GLIS3: variants seen among roughly 807,000 people sequenced by gnomAD.
GLIS3 encodes the protein GLIS family zinc finger 3, also known as zinc finger protein GLIS3.
GLIS3 carries 53 observed loss-of-function variants against 78.6 expected under a neutral mutation model. The ratio of observed to expected loss-of-function variants is 0.67; its 90% CI spans 0.54 to 0.85. The LOEUF (loss-of-function observed/expected upper bound fraction) is 0.85. GLIS3 is among the 40% of genes least tolerant of loss of function. GLIS3 has a pLI of 0.00. For missense variants in GLIS3, 1,703 were observed against 1,231.1 expected (o/e 1.38, Z -5.74); for synonymous variants, 684 against 509.9 (o/e 1.34, Z -4.60).
chr9:3,866,447 C>T (rs1012151950), intron 8 of GLIS3, among the ~76,000 whole-genome samples: 8 of 151,142 alleles, frequency 5.3e-5, no homozygotes, highest in East Asian at 1.9e-4. Context: ...GGCAACAGAG[C>T]GAGACTGTCT....
the GLIS3 span, among the ~76,000 whole-genome samples, chr9:4,488,478 T>C: frequency 6.6e-6 from 1 of 151,912 alleles, no homozygotes; most frequent in African/African-American, 2.4e-5. Context: ...TTTCCAGCTG[T>C]TTTTTTACTG....
the GLIS3 span, among the ~76,000 whole-genome samples, chr9:4,371,638 A>T: frequency 2.0e-5 from 3 of 151,972 alleles, no homozygotes; most frequent in African/African-American, 7.3e-5. Flanking sequence ...GACTACCACT[A>T]CAACCTTTCA....
chr9:4,111,161 C>T (rs1476273345), intron 4 of GLIS3, among the ~76,000 whole-genome samples: 3 of 152,094 alleles, frequency 2.0e-5, no homozygotes, highest in Admixed American at 2.0e-4. Flanking sequence ...AAAAGATGTA[C>T]ATAATTCTTT....
the GLIS3 span, among the ~76,000 whole-genome samples, chr9:4,379,206 T>C: frequency 6.6e-6 from 1 of 152,112 alleles, no homozygotes; most frequent in Admixed American, 6.6e-5. Flanking sequence ...CTGTCACCAC[T>C]GCACTCTCTC....
intron 2 of GLIS3, among the ~76,000 whole-genome samples, chr9:4,318,873 A>C (rs1238979959): frequency 6.6e-6 from 1 of 152,132 alleles, no homozygotes; most frequent in Non-Finnish European, 1.5e-5. Context: ...CAAAGGGGGG[A>C]AGTTCCTGTA....
At chr9:4,476,094 A>C in the GLIS3 span, among the ~76,000 whole-genome samples, 1 of 152,174 alleles carries the variant, frequency 6.6e-6, no homozygotes, top group Non-Finnish European at 1.5e-5. Flanking sequence ...TAAATGTTTT[A>C]AATAATTTAA....
chr9:3,932,778 T>C (rs1241666393), intron 5 of GLIS3: 1 of 437,634 alleles, frequency 2.3e-6, no homozygotes, highest in African/African-American at 2.0e-5. Context: ...TTAGTAAGCA[T>C]CTCTAGTCAT....
chr9:4,320,880 C>G (rs1817513025), intron 2 of GLIS3, among the ~76,000 whole-genome samples: 1 of 152,180 alleles, frequency 6.6e-6, no homozygotes, highest in Admixed American at 6.5e-5. Context: ...GATCATTACA[C>G]TGAAGGCAGG....
chr9:4,083,241 C>T (rs896895842), intron 4 of GLIS3, among the ~76,000 whole-genome samples: 2 of 152,156 alleles, frequency 1.3e-5, no homozygotes, highest in Admixed American at 1.3e-4. Context: ...TGTGGACCCT[C>T]TTACTAGAAT....
chr9:3,971,031 A>AAAGGAAAGAAGGAAGGATCG (rs1818337303), intron 4 of GLIS3, among the ~76,000 whole-genome samples: 1 of 148,328 alleles, frequency 6.7e-6, no homozygotes, highest in Admixed American at 6.8e-5. Context: ...AGGATCGATC[A>AAAGGAAAGAAGGAAGGATCG]AAGGAAAGAA....
chr9:4,185,915 G>T (rs1236781154), intron 2 of GLIS3, among the ~76,000 whole-genome samples: 1 of 152,144 alleles, frequency 6.6e-6, no homozygotes, highest in African/African-American at 2.4e-5. Context: ...AAGAGAGCGA[G>T]GTGGAAAATG....
intron 2 of GLIS3, among the ~76,000 whole-genome samples, chr9:4,329,479 G>A (rs780402737): frequency 3.9e-5 from 6 of 152,096 alleles, no homozygotes; most frequent in African/African-American, 1.4e-4. Flanking sequence ...GAACTAGGTG[G>A]TATCTGGGGG....
chr9:4,235,312 A>AAAAC (rs1262187006), intron 2 of GLIS3, among the ~76,000 whole-genome samples: 8 of 151,556 alleles, frequency 5.3e-5, no homozygotes, highest in African/African-American at 1.9e-4. Context: ...AAAAAAAAAA[A>AAAAC]AAAACTGATG....
At chr9:4,352,482 C>T (rs1157325057), upstream of GLIS3, among the ~76,000 whole-genome samples, 1 of 152,260 alleles carries the variant, frequency 6.6e-6, no homozygotes, top group Non-Finnish European at 1.5e-5. Flanking sequence ...TTTGGGTAAA[C>T]CCAAGGGCCT....
chr9:3,879,693 C>T lies in GLIS3; in HGVS notation c.2129-98G>A, dbSNP rs4740742. Reference sequence around the variant, plus strand: ...ACAGCAAGCATATTTGAGGGGCTTGCTTGTTTTTCTCTCAGTGGTTTTCAG... The same window carrying T: ...ACAGCAAGCATATTTGAGGGGCTTGTTTGTTTTTCTCTCAGTGGTTTTCAG... On this transcript the variant is annotated intron_variant, in intron 7 of 10. Transcript: ENST00000381971. 0.95 allele frequency: 1,232,752 copies of T among 1,295,142 alleles called. 587,710 individuals carry two copies. The highest frequency in any genetic ancestry group is 1 in the East Asian group (39,944 of 39,974). The allele number at this position is 1,295,142 out of a possible 1,614,324, so 80.2% of individuals were successfully genotyped here.
At chr9:4,244,897 A>T (rs577896052) in intron 2 of GLIS3, among the ~76,000 whole-genome samples, 104 of 152,234 alleles carry the variant, frequency 6.8e-4, no homozygotes, top group African/African-American at 2.4e-3. Flanking sequence ...TTAAATCTAA[A>T]ATGATTCTAC....
chr9:4,177,830 A>G (rs1816944199), intron 2 of GLIS3, among the ~76,000 whole-genome samples: 1 of 152,220 alleles, frequency 6.6e-6, no homozygotes, highest in Admixed American at 6.5e-5. Context: ...TGAATAAGCT[A>G]TGCGACAGAA....
At chr9:3,864,885 G>A (rs949932958) in intron 8 of GLIS3, among the ~76,000 whole-genome samples, 3 of 152,158 alleles carry the variant, frequency 2.0e-5, no homozygotes, top group African/African-American at 7.2e-5. Flanking sequence ...TCTACGAGAA[G>A]GTAAGTATTG....
Position 4,289,051 on chromosome 9 carries a change from C to T in GLIS3, c.-98-2528G>A, listed in dbSNP as rs1587322389. On this transcript the variant is annotated intron_variant, in intron 1 of 10. Coordinates refer to ENST00000381971, the MANE Select transcript of GLIS3 (RefSeq NM_001042413.2). ...TGATGAAGATATAATCCTAAGTCTC[C>T]TTGGTAACAAAAAAAGGGATAAAAT... Among the ~76,000 whole-genome samples the T allele has an allele frequency of 2.0e-5, 3 of 152,144 alleles. No homozygotes were observed. The South Asian group carries it at 6.2e-4, about 32-fold the overall frequency.
Sources: allele counts gnomAD v4.1 joint callset (sites outside exome capture counted in the v4.1 genomes callset), GRCh38; gene constraint gnomAD v4.1.1; transcripts MANE v1.5; gene names NCBI Gene and HGNC (gene_info 2026-07-23, HGNC 2026-07-21).